The following FBXO4 variants were observed in gnomAD, a reference collection of about 807,000 sequenced individuals.
FBXO4 encodes the protein F-box protein 4.
In FBXO4, 36 loss-of-function variants were observed where a neutral mutation model predicts 43.7. The observed-to-expected ratio is 0.82, with a 90% confidence interval of 0.63 to 1.09. FBXO4 has a LOEUF of 1.09. Among genes scored for constraint, FBXO4 ranks in the 50% least tolerant of loss-of-function variants. The probability of loss-of-function intolerance (pLI) is 0.00; values close to 1 mark genes in which losing one functional copy is unlikely to be tolerated. For missense variants in FBXO4, 435 were observed against 474.1 expected, an observed-to-expected ratio of 0.92 and a Z score of 0.77; for synonymous variants, 180 against 165.6, an observed-to-expected ratio of 1.09 and a Z score of -0.67.
downstream of FBXO4, among the ~76,000 whole-genome samples, chr5:41,942,400 A>T (rs1281951071): frequency 6.6e-6 from 1 of 152,082 alleles, no homozygotes; most frequent in Non-Finnish European, 1.5e-5. Flanking sequence ...ATGGAAGCAG[A>T]ACAATGCTTT....
At chr5:41,950,477 G>C in the FBXO4 span, among the ~76,000 whole-genome samples, 1 of 152,100 alleles carries the variant, frequency 6.6e-6, no homozygotes, top group Non-Finnish European at 1.5e-5. Flanking sequence ...CATCATCACT[G>C]GTCATTAGAG....
Position 41,925,350 on chromosome 5 carries a change from C to T in FBXO4, c.41C>T (p.Pro14Leu). The T allele has an allele frequency of 7.3e-7, 1 of 1,368,540 alleles. No individual in the cohort carries two copies. The highest frequency in any genetic ancestry group is 9.5e-7 in the Non-Finnish European group (1 of 1,056,754). The allele number at this position is 1,368,540 out of a possible 1,614,324, so 84.8% of individuals were successfully genotyped here. A position where few individuals can be genotyped will look rare whatever the true frequency, so the allele number is the denominator to read the frequency against. The change falls in exon 1 of 7, where the codon CCG (proline) becomes CTG (leucine). Residue 14 changes from proline to leucine, a missense_variant. Pro to Leu is a moderately conservative substitution (Grantham distance 98). Coordinates refer to ENST00000281623, the MANE Select transcript of FBXO4 (RefSeq NM_012176.3). ...SEPRSGTNSP[P>L]PPFSDWGRLE... Reference sequence around the variant, plus strand: ...CCGCGCAGCGGAACAAACTCGCCGCCGCCGCCCTTCAGCGACTGGGGCCGC... The same window carrying T: ...CCGCGCAGCGGAACAAACTCGCCGCTGCCGCCCTTCAGCGACTGGGGCCGC...
the FBXO4 span, among the ~76,000 whole-genome samples, chr5:42,032,380 A>C: frequency 6.6e-6 from 1 of 152,096 alleles, no homozygotes; most frequent in Non-Finnish European, 1.5e-5. Context: ...AGGCACTAGA[A>C]TAAAAACCTC....
chr5:41,948,282 G>T, the FBXO4 span, among the ~76,000 whole-genome samples: 1 of 151,780 alleles, frequency 6.6e-6, no homozygotes, highest in Non-Finnish European at 1.5e-5. Context: ...ACTACAGGCG[G>T]CTGCCACCAC....
the FBXO4 span, among the ~76,000 whole-genome samples, chr5:42,015,676 G>A: frequency 4.0e-4 from 60 of 151,856 alleles, no homozygotes; most frequent in African/African-American, 1.4e-3. Context: ...TCTGGTGGGG[G>A]AATGGTCAAA....
the FBXO4 span, among the ~76,000 whole-genome samples, chr5:42,012,241 C>T: frequency 5.3e-5 from 8 of 152,226 alleles, no homozygotes; most frequent in South Asian, 1.7e-3. Flanking sequence ...ACCAGGGCCT[C>T]TATAGAATGC....
At position 41,927,160 on chromosome 5, in the gene FBXO4, G is replaced by C. The variant is rs748584585; in HGVS notation, c.337G>C (p.Val113Leu). The part of the protein sequence containing the change: ...LLRDLPSWSS[V>L]DWKSLPDLEI... ...GAGGGATCTTCCTTCTTGGTCTTCT[G>C]TTGACTGGAAGTCTCTTCCAGATCT... The change falls in exon 2 of 7, where the codon GTT becomes CTT. Residue 113 changes from valine (V) to leucine (L), a missense_variant. Coordinates refer to ENST00000281623, the MANE Select transcript of FBXO4 (RefSeq NM_012176.3). 1.2e-6 allele frequency: 2 copies of C among 1,613,908 alleles called. No individual in the cohort carries two copies. Among genetic ancestry groups the C allele is most frequent in the Non-Finnish European group, 1.7e-6 (2 of 1,179,936 alleles).
the FBXO4 span, among the ~76,000 whole-genome samples, chr5:41,956,225 G>C: frequency 2.0e-5 from 3 of 152,128 alleles, no homozygotes; most frequent in East Asian, 1.9e-4. Flanking sequence ...CAAGAAGCTG[G>C]AGTAAGGATT....
the FBXO4 span, among the ~76,000 whole-genome samples, chr5:41,988,586 T>A: frequency 6.6e-6 from 1 of 152,152 alleles, no homozygotes; most frequent in Non-Finnish European, 1.5e-5. Flanking sequence ...ATTCATCAAC[T>A]ACAGTTTAGG....
At chr5:42,005,690 G>A in the FBXO4 span, among the ~76,000 whole-genome samples, 3 of 152,136 alleles carry the variant, frequency 2.0e-5, no homozygotes, top group Non-Finnish European at 1.5e-5. Flanking sequence ...CTTTATTCCA[G>A]CTGTACAGAA....
the FBXO4 span, among the ~76,000 whole-genome samples, chr5:42,035,589 C>T: frequency 2.0e-5 from 3 of 152,068 alleles, no homozygotes; most frequent in Non-Finnish European, 4.4e-5. Context: ...CTTTAAATGA[C>T]AGGCTTATTT....
chr5:41,947,672 T>A, the FBXO4 span, among the ~76,000 whole-genome samples: 1 of 152,110 alleles, frequency 6.6e-6, no homozygotes, highest in African/African-American at 2.4e-5. Context: ...TGGGAGAACA[T>A]GGATAGTAAC....
chr5:41,983,104 TCTC>T, the FBXO4 span, among the ~76,000 whole-genome samples: 1 of 152,140 alleles, frequency 6.6e-6, no homozygotes, highest in Non-Finnish European at 1.5e-5. Flanking sequence ...TAATTTTCTT[TCTC>T]CAGTCTATCA....
chr5:41,942,350 A>G (rs1374498090), downstream of FBXO4, among the ~76,000 whole-genome samples: 1 of 152,004 alleles, frequency 6.6e-6, no homozygotes, highest in Non-Finnish European at 1.5e-5. Context: ...ATAATAATCC[A>G]AAGTTATGAT....
chr5:41,982,755 C>T, the FBXO4 span, among the ~76,000 whole-genome samples: 19 of 152,086 alleles, frequency 1.2e-4, no homozygotes, highest in Admixed American at 1.2e-3. Flanking sequence ...TCTGGAGTAC[C>T]TGTGCAGTAT....
the FBXO4 span, among the ~76,000 whole-genome samples, chr5:41,998,696 G>A: frequency 3.3e-5 from 5 of 152,118 alleles, no homozygotes; most frequent in Non-Finnish European, 7.4e-5. Flanking sequence ...GTCACTACTG[G>A]GGATGGGGAA....
the FBXO4 span, among the ~76,000 whole-genome samples, chr5:41,959,361 C>CT: frequency 6.6e-6 from 1 of 152,094 alleles, no homozygotes; most frequent in East Asian, 1.9e-4. Context: ...ACTCTGTTGA[C>CT]TTTTTTTCTT....
At chr5:41,940,481 C>T (rs1235691539) in intron 6 of FBXO4, among the ~76,000 whole-genome samples, 3 of 152,032 alleles carry the variant, frequency 2.0e-5, no homozygotes, top group Non-Finnish European at 2.9e-5. Flanking sequence ...AGGCTGGTCC[C>T]GGATTCCTGG....
At chr5:41,931,318 A>G (rs1455461165) in intron 3 of FBXO4, among the ~76,000 whole-genome samples, 2 of 152,260 alleles carry the variant, frequency 1.3e-5, no homozygotes, top group Non-Finnish European at 2.9e-5. Context: ...TAAATGTATT[A>G]GCAGTAATAA....
Sources: gnomAD v4.1 joint callset for allele counts (sites outside exome capture counted in the v4.1 genomes callset) on GRCh38, gnomAD v4.1.1 for gene constraint, MANE v1.5 for transcripts, NCBI Gene and HGNC (gene_info 2026-07-23, HGNC 2026-07-21) for gene names.